KCNAB1: variants seen among roughly 807,000 people sequenced by gnomAD.
KCNAB1 encodes the protein potassium voltage-gated channel subfamily A regulatory beta subunit 1, also known as voltage-gated potassium channel subunit beta-1.
Under a neutral mutation model 64.6 loss-of-function variants are expected in KCNAB1, and 35 were observed. That is an observed-to-expected ratio of 0.54 (90% CI 0.41 to 0.72). The LOEUF is 0.72. Among genes scored for constraint, KCNAB1 ranks in the 30% least tolerant of loss-of-function variants. The pLI, the probability that KCNAB1 is intolerant of heterozygous loss-of-function variation, is 0.00. For synonymous variants in KCNAB1, 177 were observed against 183.8 expected, an observed-to-expected ratio of 0.96 and a Z score of 0.30; for missense variants, 401 against 512.9, an observed-to-expected ratio of 0.78 and a Z score of 2.11.
At chr3:156,133,729 G>T (rs533719162) in intron 1 of KCNAB1, among the ~76,000 whole-genome samples, 2 of 152,298 alleles carry the variant, frequency 1.3e-5, no homozygotes, top group South Asian at 4.1e-4. Context: ...ATGCCGGGAG[G>T]CAGGGAGACA....
intron 1 of KCNAB1, among the ~76,000 whole-genome samples, chr3:156,174,463 C>T (rs1028735469): frequency 6.6e-6 from 1 of 152,150 alleles, no homozygotes; most frequent in African/African-American, 2.4e-5. Flanking sequence ...AGGTAGTTAG[C>T]AGGATCTACA....
intron 1 of KCNAB1, among the ~76,000 whole-genome samples, chr3:156,234,158 G>C (rs529512572): frequency 2.6e-5 from 4 of 152,168 alleles, no homozygotes; most frequent in African/African-American, 9.6e-5. Flanking sequence ...TTGGGGAGAG[G>C]AGGAGGCACC....
intron 1 of KCNAB1, among the ~76,000 whole-genome samples, chr3:156,171,148 T>C (rs927399281): frequency 6.6e-6 from 1 of 150,488 alleles, no homozygotes; most frequent in African/African-American, 2.4e-5. Context: ...AGACCATTTC[T>C]GTCAACTCTG....
chr3:156,400,855 C>T lies in KCNAB1; in HGVS notation c.276-20761C>T, dbSNP rs138575737. 1.1e-3 allele frequency among the ~76,000 whole-genome samples: 165 copies of T among 152,310 alleles called. 1 individual carries two copies. Among genetic ancestry groups the T allele is most frequent in the Non-Finnish European group, 1.1e-3 (74 of 68,028 alleles). ...ATCAAGCAGAGTTTCTCACTCACTT[C>T]TCTGCTCCCATCCTACCCCCTACTT... On this transcript the variant is annotated intron_variant, in intron 1 of 13. Transcript: ENST00000490337.
At position 156,367,476 on chromosome 3, in the gene KCNAB1, C is replaced by T. The variant is rs889747969; in HGVS notation, c.276-54140C>T. Among the ~76,000 whole-genome samples the T allele has an allele frequency of 3.3e-5, 5 of 152,096 alleles. No individual in the cohort carries two copies. In the East Asian group the frequency reaches 5.8e-4, roughly 18 times the overall value. On this transcript the variant is annotated intron_variant, in intron 1 of 13. Transcript: ENST00000490337. ...GATTACAGGCTTGAGCCACTGTTCCCGGCCGAGTAATCTATTTTAACACAC... is the reference window on the plus strand; with the variant it reads ...GATTACAGGCTTGAGCCACTGTTCCTGGCCGAGTAATCTATTTTAACACAC...
At chr3:156,288,191 A>G (rs938181779) in intron 1 of KCNAB1, among the ~76,000 whole-genome samples, 20 of 152,024 alleles carry the variant, frequency 1.3e-4, no homozygotes, top group Non-Finnish European at 1.9e-4. Flanking sequence ...TCCTCCTTCT[A>G]TATGGACACC....
intron 4 of KCNAB1, among the ~76,000 whole-genome samples, chr3:156,459,253 C>G (rs1712699451): frequency 6.6e-6 from 1 of 152,116 alleles, no homozygotes; most frequent in South Asian, 2.1e-4. Flanking sequence ...TGCAACCCAG[C>G]CTTAGGGGCA....
rs1410579300 is a variant in KCNAB1, at chr3:156,213,872, C to T, written c.275+92986C>T. Among the ~76,000 whole-genome samples, 7 of 152,128 alleles carry T rather than the reference C, an allele frequency of 4.6e-5. 1 individual carries two copies. Reference sequence around the variant, plus strand: ...AGTCTTTAGAGTTCCTGAGTAGCTTCAGGATGGGAAGGCTAAGCCATGATT... The same window carrying T: ...AGTCTTTAGAGTTCCTGAGTAGCTTTAGGATGGGAAGGCTAAGCCATGATT... On this transcript the variant is annotated intron_variant, in intron 1 of 13. Coordinates refer to ENST00000490337, the MANE Select transcript of KCNAB1 (RefSeq NM_172160.3).
intron 1 of KCNAB1, among the ~76,000 whole-genome samples, chr3:156,338,503 G>T (rs1449136974): frequency 1.3e-5 from 2 of 151,466 alleles, no homozygotes; most frequent in African/African-American, 2.4e-5. Context: ...GTAGAGATGG[G>T]GTTTCTCCAT....
intron 1 of KCNAB1, among the ~76,000 whole-genome samples, chr3:156,147,979 A>ACGC (rs1715151968): frequency 6.7e-6 from 1 of 150,112 alleles, no homozygotes; most frequent in African/African-American, 2.5e-5. Flanking sequence ...ACGCACACAC[A>ACGC]AACACACACC....
At chr3:156,501,256 T>C (rs924050036) in intron 8 of KCNAB1, among the ~76,000 whole-genome samples, 4 of 152,128 alleles carry the variant, frequency 2.6e-5, no homozygotes, top group Admixed American at 1.3e-4. Context: ...AGAAACCATT[T>C]AGAATATTTT....
At chr3:156,414,605 G>A (rs1714921366) in intron 1 of KCNAB1, among the ~76,000 whole-genome samples, 1 of 152,202 alleles carries the variant, frequency 6.6e-6, no homozygotes, top group Non-Finnish European at 1.5e-5. Flanking sequence ...AGAATGGAAG[G>A]ATATGCTAAC....
At chr3:156,209,215 G>A (rs1383847292) in intron 1 of KCNAB1, among the ~76,000 whole-genome samples, 2 of 152,160 alleles carry the variant, frequency 1.3e-5, no homozygotes, top group Middle Eastern at 3.2e-3. Flanking sequence ...CAAGAGCCAG[G>A]GAATGCTTCT....
At chr3:156,486,955 T>C (rs763777650) in intron 8 of KCNAB1, among the ~76,000 whole-genome samples, 7 of 152,160 alleles carry the variant, frequency 4.6e-5, no homozygotes, top group Non-Finnish European at 8.8e-5. Context: ...GGCCAAAGGA[T>C]ACTTGCTCTA....
At chr3:156,328,010 C>T (rs983132663) in intron 1 of KCNAB1, among the ~76,000 whole-genome samples, 2 of 152,088 alleles carry the variant, frequency 1.3e-5, no homozygotes, top group Non-Finnish European at 2.9e-5. Context: ...AATTATGCTC[C>T]CTACACCTGC....
chr3:156,465,552 A>G, intron 6 of KCNAB1, 91 bp from the exon 7 acceptor site: 1 of 1,133,650 alleles, frequency 8.8e-7, no homozygotes, highest in Non-Finnish European at 1.3e-6. Context: ...TGATAAGAAC[A>G]GGGTGCAAAA....
intron 2 of KCNAB1, among the ~76,000 whole-genome samples, chr3:156,427,886 C>T (rs533843888): frequency 6.6e-6 from 1 of 152,294 alleles, no homozygotes; most frequent in African/African-American, 2.4e-5. Context: ...CTCCAAAAGT[C>T]TCACATTAGG....
At chr3:156,365,708 A>T (rs985436110) in intron 1 of KCNAB1, among the ~76,000 whole-genome samples, 4 of 152,178 alleles carry the variant, frequency 2.6e-5, no homozygotes, top group African/African-American at 7.2e-5. Flanking sequence ...GAGCCTCTTC[A>T]TCTTGAATTT....
chr3:156,300,580 T>C (rs995393443), intron 1 of KCNAB1, among the ~76,000 whole-genome samples: 3 of 152,226 alleles, frequency 2.0e-5, no homozygotes, highest in African/African-American at 7.2e-5. Context: ...TGGTATGTCC[T>C]TTCGTCTGCA....
Sources: gnomAD v4.1 joint callset for allele counts (sites outside exome capture counted in the v4.1 genomes callset) on GRCh38, gnomAD v4.1.1 for gene constraint, MANE v1.5 for transcripts, NCBI Gene and HGNC (gene_info 2026-07-23, HGNC 2026-07-21) for gene names.